The following FAAH2 variants were observed in gnomAD, a reference collection of about 807,000 sequenced individuals.
FAAH2 encodes the protein fatty acid amide hydrolase 2, also known as fatty-acid amide hydrolase 2.
A neutral mutation model predicts 36.9 loss-of-function variants in FAAH2; 60 were observed. The ratio of observed to expected loss-of-function variants is 1.63; its 90% confidence interval spans 1.32 to 2.02. FAAH2 has a LOEUF of 2.02. Ranked by LOEUF, FAAH2 falls within the 30% of genes most tolerant of loss-of-function variation. FAAH2 has a pLI of 0.00. For missense variants in FAAH2, 689 were observed against 397.5 expected, an observed-to-expected ratio of 1.73 and a Z score of -6.23; for synonymous variants, 214 against 143.8, an observed-to-expected ratio of 1.49 and a Z score of -3.49.
chrX:57,338,007 AT>A (rs1438416708), intron 4 of FAAH2, among the ~76,000 whole-genome samples: 12 of 111,981 alleles, frequency 1.1e-4, no homozygotes, highest in African/African-American at 3.9e-4. Flanking sequence ...AGAAAACCCC[AT>A]CATCTCAGCC....
At chrX:57,184,324 C>A in the FAAH2 span, among the ~76,000 whole-genome samples, 1 of 111,678 alleles carries the variant, frequency 9.0e-6, no homozygotes, top group Non-Finnish European at 1.9e-5. Flanking sequence ...TGTTCTTACA[C>A]CCCCTCTCCT....
intron 7 of FAAH2, among the ~76,000 whole-genome samples, chrX:57,426,037 G>T (rs1189604608): frequency 8.9e-6 from 1 of 112,017 alleles, no homozygotes; most frequent in Non-Finnish European, 1.9e-5. Flanking sequence ...AAGTAAGCAA[G>T]AGTATCATGT....
At chrX:57,333,217 G>A (rs1042641344) in intron 4 of FAAH2, among the ~76,000 whole-genome samples, 1 of 111,381 alleles carries the variant, frequency 9.0e-6, no homozygotes, top group Non-Finnish European at 1.9e-5. Flanking sequence ...GGAAACAATG[G>A]CACTAGTTGA....
At chrX:57,286,255 A>C (rs1360330010), upstream of FAAH2, among the ~76,000 whole-genome samples, 2 of 112,076 alleles carry the variant, frequency 1.8e-5, no homozygotes, top group Non-Finnish European at 3.8e-5. Context: ...ATGCATATGG[A>C]AAATATATAT....
rs60873866 is a variant in FAAH2, at chrX:57,334,268, T to TCACACACA, written c.622+2484_622+2491dup. 9.7e-3 allele frequency among the ~76,000 whole-genome samples: 833 copies of TCACACACA among 85,635 alleles called. 4 individuals carry two copies. Among genetic ancestry groups the TCACACACA allele is most frequent in the Middle Eastern group, 0.025 (4 of 162 alleles). The allele number at this position is 85,635 out of a possible 115,157, so 74.4% of individuals were successfully genotyped here. ...CTAGGTGACAGAGGGAGATTCCGTC[T>TCACACACA]CACACACACACACACACACACACAC... On this transcript the variant is annotated intron_variant, in intron 4 of 10. Coordinates refer to ENST00000374900, the MANE Select transcript of FAAH2 (RefSeq NM_174912.4).
intron 10 of FAAH2, among the ~76,000 whole-genome samples, chrX:57,451,176 C>T (rs1312247182): frequency 9.0e-6 from 1 of 111,477 alleles, no homozygotes; most frequent in Non-Finnish European, 1.9e-5. Flanking sequence ...ATTTATTACA[C>T]AGAAGAGGAA....
At chrX:57,147,505 C>T in the FAAH2 span, among the ~76,000 whole-genome samples, 3 of 111,355 alleles carry the variant, frequency 2.7e-5, no homozygotes, top group African/African-American at 9.8e-5. Flanking sequence ...TTAAAAGAAC[C>T]AGCTTTTTGT....
intron 7 of FAAH2, among the ~76,000 whole-genome samples, chrX:57,399,615 T>A (rs995983834): frequency 9.0e-6 from 1 of 111,594 alleles, no homozygotes; most frequent in African/African-American, 3.3e-5. Flanking sequence ...TCTATTTCCC[T>A]TTTCTTTCCT....
intron 5 of FAAH2, among the ~76,000 whole-genome samples, chrX:57,370,910 C>G (rs769433294): frequency 9.0e-6 from 1 of 111,119 alleles, no homozygotes; most frequent in Non-Finnish European, 1.9e-5. Flanking sequence ...CCCATGAAAC[C>G]ACTTCCTGGT....
the FAAH2 span, among the ~76,000 whole-genome samples, chrX:57,174,682 G>T: frequency 9.0e-6 from 1 of 111,159 alleles, no homozygotes; most frequent in Non-Finnish European, 1.9e-5. Flanking sequence ...TTGTCAATTT[G>T]TGATCATTCA....
At chrX:57,386,690 G>T (rs1339653548) in intron 7 of FAAH2, among the ~76,000 whole-genome samples, 3 of 111,377 alleles carry the variant, frequency 2.7e-5, no homozygotes, top group Non-Finnish European at 3.8e-5. Flanking sequence ...TCCCTTTACG[G>T]TATTAAAACC....
chrX:57,398,889 C>A (rs2055365962), intron 7 of FAAH2, among the ~76,000 whole-genome samples: 1 of 111,460 alleles, frequency 9.0e-6, no homozygotes, highest in African/African-American at 3.3e-5. Flanking sequence ...CTCTCAGTCA[C>A]ACCCTCTCAA....
At chrX:57,122,360 G>A in the FAAH2 span, among the ~76,000 whole-genome samples, 5 of 111,402 alleles carry the variant, frequency 4.5e-5, no homozygotes, top group African/African-American at 1.6e-4. Flanking sequence ...CACTTGGTCC[G>A]TAAAACTCAA....
chrX:57,367,464 A>G (rs761221595), intron 5 of FAAH2, among the ~76,000 whole-genome samples: 1 of 112,664 alleles, frequency 8.9e-6, no homozygotes, highest in East Asian at 2.8e-4. Flanking sequence ...GTTACAAAAA[A>G]TGTAAAAAAG....
At chrX:57,247,783 G>C in the FAAH2 span, among the ~76,000 whole-genome samples, 1 of 112,087 alleles carries the variant, frequency 8.9e-6, no homozygotes, top group Middle Eastern at 4.2e-3. Context: ...ACCACACCTA[G>C]CTGCATGGGA....
chrX:57,449,348 A>G (rs2147182035), intron 10 of FAAH2, among the ~76,000 whole-genome samples: 1 of 111,401 alleles, frequency 9.0e-6, no homozygotes, highest in South Asian at 3.8e-4. Context: ...ACACGTTCTC[A>G]CCCAATAAAC....
At chrX:57,462,040 A>G (rs1488467911) in intron 10 of FAAH2, among the ~76,000 whole-genome samples, 4 of 109,702 alleles carry the variant, frequency 3.6e-5, no homozygotes, top group Non-Finnish European at 1.9e-5. Context: ...AATAAACTAG[A>G]AAATCTAGAA....
chrX:57,292,331 T>G (rs1375449728), intron 1 of FAAH2, among the ~76,000 whole-genome samples, 167 bp from the exon 2 acceptor site: 1 of 111,754 alleles, frequency 8.9e-6, no homozygotes, highest in East Asian at 2.8e-4. Context: ...AGTAGACATC[T>G]TATACCTCCT....
At chrX:57,214,461 C>A in the FAAH2 span, among the ~76,000 whole-genome samples, 1 of 111,163 alleles carries the variant, frequency 9.0e-6, no homozygotes, top group African/African-American at 3.3e-5. Flanking sequence ...GAATCTTGCT[C>A]TGTCATCCAG....
Sources: gnomAD v4.1 joint callset for allele counts (sites outside exome capture counted in the v4.1 genomes callset) on GRCh38, gnomAD v4.1.1 for gene constraint, MANE v1.5 for transcripts, NCBI Gene and HGNC (gene_info 2026-07-23, HGNC 2026-07-21) for gene names.